The following FAM53B variants were observed in gnomAD, a reference collection of about 807,000 sequenced individuals.
FAM53B encodes the protein protein FAM53B.
FAM53B carries 12 observed loss-of-function variants against 32.7 expected under a neutral mutation model. That is an observed-to-expected ratio of 0.37 (90% confidence interval 0.24 to 0.59). The LOEUF is 0.59. FAM53B is among the 20% of genes least tolerant of loss of function. The pLI is 0.72. For missense variants in FAM53B, 477 were observed against 577.7 expected, an observed-to-expected ratio of 0.83 and a Z score of 1.79; for synonymous variants, 234 against 228.7, an observed-to-expected ratio of 1.02 and a Z score of -0.21.
At chr10:124,686,212 A>G (rs868176484) in intron 3 of FAM53B, among the ~76,000 whole-genome samples, 2 of 152,358 alleles carry the variant, frequency 1.3e-5, no homozygotes, top group Middle Eastern at 3.4e-3. Flanking sequence ...AAGCACAGAT[A>G]AGATCTATAT....
chr10:124,655,765 T>C (rs987790865), intron 4 of FAM53B, among the ~76,000 whole-genome samples: 6 of 152,228 alleles, frequency 3.9e-5, no homozygotes, highest in African/African-American at 1.4e-4. Context: ...AAGATCCTTC[T>C]ACTTCTCTGC....
At chr10:124,706,287 C>T (rs1407169649) in intron 2 of FAM53B, among the ~76,000 whole-genome samples, 2 of 152,184 alleles carry the variant, frequency 1.3e-5, no homozygotes, top group Non-Finnish European at 2.9e-5. Flanking sequence ...CCATTCAGGG[C>T]ACCAACCCCC....
At chr10:124,665,876 A>G (rs1949667636) in intron 4 of FAM53B, among the ~76,000 whole-genome samples, 2 of 152,238 alleles carry the variant, frequency 1.3e-5, no homozygotes, top group South Asian at 4.1e-4. Context: ...CGATCCTCAG[A>G]GGACAAGACT....
intron 1 of FAM53B, among the ~76,000 whole-genome samples, chr10:124,732,760 G>A (rs1950152403): frequency 6.6e-6 from 1 of 151,838 alleles, no homozygotes; most frequent in Non-Finnish European, 1.5e-5. Flanking sequence ...TTGGGAGGCT[G>A]AGGTTGCACT....
At chr10:124,672,009 G>A (rs763474615) in intron 4 of FAM53B, among the ~76,000 whole-genome samples, 23 of 152,248 alleles carry the variant, frequency 1.5e-4, no homozygotes, top group Non-Finnish European at 2.8e-4. Flanking sequence ...GCAAGAAAGA[G>A]TGGTAATTCC....
intron 1 of FAM53B, among the ~76,000 whole-genome samples, chr10:124,739,070 A>C (rs1480996397): frequency 2.0e-5 from 3 of 152,188 alleles, no homozygotes; most frequent in Non-Finnish European, 2.9e-5. Flanking sequence ...AAAACAAAAA[A>C]ACACACAGCC....
At chr10:124,668,580 G>C (rs1222866196) in intron 4 of FAM53B, among the ~76,000 whole-genome samples, 1 of 152,268 alleles carries the variant, frequency 6.6e-6, no homozygotes, top group Non-Finnish European at 1.5e-5. Flanking sequence ...CCTTCCACAA[G>C]GGGACACAAG....
At chr10:124,724,905 A>G (rs900704042) in intron 1 of FAM53B, among the ~76,000 whole-genome samples, 1 of 152,182 alleles carries the variant, frequency 6.6e-6, no homozygotes, top group Non-Finnish European at 1.5e-5. Context: ...CGTGGATATG[A>G]AAGCACAAGG....
At chr10:124,627,096 C>T (rs1361013795) in intron 4 of FAM53B, among the ~76,000 whole-genome samples, 1 of 152,236 alleles carries the variant, frequency 6.6e-6, no homozygotes, top group Admixed American at 6.5e-5. Flanking sequence ...ACAGCCATTT[C>T]AGCCACAGTA....
chr10:124,692,560 C>A (rs999787503), intron 3 of FAM53B, among the ~76,000 whole-genome samples: 1 of 151,562 alleles, frequency 6.6e-6, no homozygotes, highest in Admixed American at 6.6e-5. Context: ...ACTAAAAATA[C>A]AAAAATTAGC....
At chr10:124,691,552 G>A (rs1441792458) in intron 3 of FAM53B, among the ~76,000 whole-genome samples, 1 of 152,068 alleles carries the variant, frequency 6.6e-6, no homozygotes, top group African/African-American at 2.4e-5. Flanking sequence ...TTTCCTAGTA[G>A]CCTTTTTAAA....
intron 4 of FAM53B, among the ~76,000 whole-genome samples, chr10:124,650,806 C>A (rs1949551135): frequency 6.6e-6 from 1 of 152,152 alleles, no homozygotes; most frequent in African/African-American, 2.4e-5. Context: ...ATTCCTTTGC[C>A]ATCAGCCATT....
intron 1 of FAM53B, among the ~76,000 whole-genome samples, chr10:124,720,700 G>A (rs1950063832): frequency 6.6e-6 from 1 of 152,180 alleles, no homozygotes; most frequent in Non-Finnish European, 1.5e-5. Context: ...CCCTTACTGA[G>A]TGACTACTTT....
At chr10:124,632,940 A>G (rs1949401032) in intron 4 of FAM53B, among the ~76,000 whole-genome samples, 2 of 152,210 alleles carry the variant, frequency 1.3e-5, no homozygotes, top group South Asian at 4.1e-4. Context: ...TTGGCAAATC[A>G]TTAAACTTCT....
At chr10:124,701,294 GA>G (rs1564881727) in intron 2 of FAM53B, among the ~76,000 whole-genome samples, 1 of 152,254 alleles carries the variant, frequency 6.6e-6, no homozygotes, top group African/African-American at 2.4e-5. Context: ...CCTCAGGTAA[GA>G]AAAGTCATTT....
chr10:124,710,757 C>T (rs60209031), intron 1 of FAM53B, among the ~76,000 whole-genome samples: 4 of 152,314 alleles, frequency 2.6e-5, no homozygotes, highest in South Asian at 2.1e-4. Context: ...AGGTACCAGG[C>T]GCTTTACACA....
In FAM53B at chr10:124,623,308, C is replaced by T; in HGVS notation, c.1203G>A (p.Gly401=). 1 of 1,612,390 alleles carries T rather than the reference C, an allele frequency of 6.2e-7. No individual in the cohort carries two copies. Among genetic ancestry groups the T allele is most frequent in the Non-Finnish European group, 8.5e-7 (1 of 1,179,726 alleles). Residue 401 remains glycine, a synonymous_variant, in exon 5 of 5, where the codon GGG becomes GGA. Coordinates refer to ENST00000337318, the MANE Select transcript of FAM53B (RefSeq NM_014661.4). ...AEPAAAWRDR[G]APGNSLCSLD... ...GGGAGCAGAGGCTGTTCCCAGGGGC[C>T]CCGCGGTCCCGCCAGGCTGCAGCCG...
At chr10:124,692,180 AAT>A (rs1949836946) in intron 3 of FAM53B, among the ~76,000 whole-genome samples, 1 of 152,148 alleles carries the variant, frequency 6.6e-6, no homozygotes, top group African/African-American at 2.4e-5. Context: ...CTGGCACCCT[AAT>A]AAGGGGCACT....
At chr10:124,629,534 C>A (rs1197165752) in intron 4 of FAM53B, among the ~76,000 whole-genome samples, 2 of 152,248 alleles carry the variant, frequency 1.3e-5, no homozygotes, top group African/African-American at 4.8e-5. Flanking sequence ...CCCAGCCTGG[C>A]CTGGCAGCTG....
Sources: allele counts gnomAD v4.1 joint callset (sites outside exome capture counted in the v4.1 genomes callset), GRCh38; gene constraint gnomAD v4.1.1; transcripts MANE v1.5; gene names NCBI Gene and HGNC (gene_info 2026-07-23, HGNC 2026-07-21).